The following CWC22 variants were observed in gnomAD, a reference collection of about 807,000 sequenced individuals.
CWC22 encodes the protein CWC22 spliceosome associated protein.
Under a neutral mutation model 117.2 loss-of-function variants are expected in CWC22, and 53 were observed. The observed-to-expected ratio is 0.45, with a 90% confidence interval of 0.36 to 0.57. The LOEUF (loss-of-function observed/expected upper bound fraction) is 0.57, where lower values mean the gene tolerates loss of function less well. Among genes scored for constraint, CWC22 ranks in the 20% least tolerant of loss-of-function variants. The pLI is 0.00. For synonymous variants in CWC22, 360 were observed against 355.6 expected (o/e 1.01, Z -0.14); for missense variants, 980 against 1,068.8 (o/e 0.92, Z 1.16).
At chr2:179,999,481 A>G (rs1312158145) in intron 1 of CWC22, among the ~76,000 whole-genome samples, 2 of 152,222 alleles carry the variant, frequency 1.3e-5, no homozygotes, top group African/African-American at 4.8e-5. Context: ...TTAGAAAGCA[A>G]AATATTTAAT....
intron 7 of CWC22, among the ~76,000 whole-genome samples, 160 bp from the exon 8 acceptor site, chr2:179,973,406 T>C (rs1007575945): frequency 1.3e-5 from 2 of 152,218 alleles, no homozygotes; most frequent in Non-Finnish European, 2.9e-5. Context: ...TGAAAGAGTA[T>C]CCCTTCTGGT....
intron 7 of CWC22, among the ~76,000 whole-genome samples, 193 bp from the exon 8 acceptor site, chr2:179,973,439 T>A (rs1003751229): frequency 1.3e-5 from 2 of 152,234 alleles, no homozygotes; most frequent in Non-Finnish European, 2.9e-5. Context: ...GTTCTACAGT[T>A]ATAGCCATCA....
At chr2:179,966,022 G>C in intron 11 of CWC22, 40 bp from the exon 12 acceptor site, 1 of 1,455,524 alleles carries the variant, frequency 6.9e-7, no homozygotes, top group Non-Finnish European at 9.5e-7. Flanking sequence ...AAATGTGCAA[G>C]TCATATACAT....
intron 13 of CWC22, among the ~76,000 whole-genome samples, chr2:179,960,318 A>C (rs1686719389): frequency 6.6e-6 from 1 of 152,050 alleles, no homozygotes. Flanking sequence ...TTTTAAAGAG[A>C]CATAGCTGTT....
intron 5 of CWC22, among the ~76,000 whole-genome samples, chr2:179,980,926 G>A (rs1419733537): frequency 3.3e-5 from 5 of 152,056 alleles, no homozygotes; most frequent in African/African-American, 4.8e-5. Flanking sequence ...CATCCTATTA[G>A]AGAAAAATAT....
rs1461970540 is a variant in CWC22, at chr2:179,994,953, G to A, written c.-113-1499C>T. Among the ~76,000 whole-genome samples, 12 of 151,994 alleles carry A rather than the reference G, an allele frequency of 7.9e-5. 1 individual carries two copies. Among genetic ancestry groups the A allele is most frequent in the Non-Finnish European group, 1.8e-4 (12 of 67,984 alleles). ...AACACAGTGAAACCCCGTCTCTACTGAAAAATTACAAAAAATTAGCCAGGC... is the reference window on the plus strand; with the variant it reads ...AACACAGTGAAACCCCGTCTCTACTAAAAAATTACAAAAAATTAGCCAGGC... On this transcript the variant is annotated intron_variant, in intron 1 of 19. Coordinates refer to ENST00000410053, the MANE Select transcript of CWC22 (RefSeq NM_020943.3).
chr2:179,965,015 T>C (rs2105521739), intron 12 of CWC22, among the ~76,000 whole-genome samples: 1 of 152,296 alleles, frequency 6.6e-6, no homozygotes, highest in East Asian at 1.9e-4. Flanking sequence ...CAGAGAACAC[T>C]AGATCATCAC....
chr2:179,989,807 TA>T (rs2105551189), intron 2 of CWC22, among the ~76,000 whole-genome samples: 1 of 152,270 alleles, frequency 6.6e-6, no homozygotes, highest in South Asian at 2.1e-4. Context: ...AGAATTAAAA[TA>T]ATTTTAATTA....
At chr2:179,970,462 A>G in intron 11 of CWC22, 39 bp downstream of exon 11, 2 of 1,461,796 alleles carry the variant, frequency 1.4e-6, no homozygotes, top group Non-Finnish European at 1.9e-6. Flanking sequence ...AATTGCTTCT[A>G]CTTATCCAAA....
chr2:180,000,984 A>G (rs1687832759), intron 1 of CWC22, among the ~76,000 whole-genome samples: 1 of 152,214 alleles, frequency 6.6e-6, no homozygotes, highest in Non-Finnish European at 1.5e-5. Flanking sequence ...AAGTGATCCA[A>G]TCATTTGGAA....
rs146898116 is a variant in CWC22, at chr2:179,947,849, T to C, written c.2141-2134A>G. 6.3e-4 allele frequency among the ~76,000 whole-genome samples: 96 copies of C among 152,340 alleles called. 1 individual carries two copies. In the East Asian group the frequency reaches 0.015, roughly 24 times the overall value. ...CAATTTAAGGCTACAGAGGAAAGTA[T>C]TGATGCCATATTTGATGAAATATTG... On this transcript the variant is annotated intron_variant, in intron 19 of 19. Coordinates refer to ENST00000410053, the MANE Select transcript of CWC22 (RefSeq NM_020943.3).
intron 13 of CWC22, among the ~76,000 whole-genome samples, chr2:179,963,733 T>C (rs1353810068): frequency 6.6e-6 from 1 of 152,208 alleles, no homozygotes; most frequent in Non-Finnish European, 1.5e-5. Context: ...TTCCTCTATT[T>C]GAAGATAAAC....
chr2:180,003,062 AT>A (rs1349226322), intron 1 of CWC22, among the ~76,000 whole-genome samples: 1 of 152,220 alleles, frequency 6.6e-6, no homozygotes, highest in African/African-American at 2.4e-5. Flanking sequence ...TTCTGCCTAC[AT>A]AGAACTTCCT....
At chr2:179,995,407 T>C (rs1419355369) in intron 1 of CWC22, among the ~76,000 whole-genome samples, 1 of 152,174 alleles carries the variant, frequency 6.6e-6, no homozygotes, top group East Asian at 1.9e-4. Context: ...GTTACCATCT[T>C]AATAAGCCTA....
chr2:179,945,762 T>C (rs1379152787), intron 19 of CWC22, 47 bp from the exon 20 acceptor site: 1 of 1,169,834 alleles, frequency 8.5e-7, no homozygotes, highest in South Asian at 1.5e-5. Flanking sequence ...TCAATCTTAA[T>C]TTCATAATTA....
intron 8 of CWC22, among the ~76,000 whole-genome samples, chr2:179,972,389 G>C (rs889553840): frequency 1.3e-5 from 2 of 151,966 alleles, no homozygotes; most frequent in Non-Finnish European, 2.9e-5. Flanking sequence ...AACACAAACT[G>C]AATAACAGCA....
At chr2:179,947,765 T>C (rs527457490) in intron 19 of CWC22, among the ~76,000 whole-genome samples, 17 of 152,282 alleles carry the variant, frequency 1.1e-4, no homozygotes, top group African/African-American at 3.6e-4. Context: ...TGTCACACAG[T>C]ATGTAAAACA....
chr2:179,990,901 G>C (rs1443618158), intron 2 of CWC22, among the ~76,000 whole-genome samples: 1 of 152,170 alleles, frequency 6.6e-6, no homozygotes, highest in Non-Finnish European at 1.5e-5. Flanking sequence ...GGATGAAAGT[G>C]GGAAAACGGG....
chr2:179,976,193 AC>A (rs766797620), intron 6 of CWC22, among the ~76,000 whole-genome samples: 1 of 152,224 alleles, frequency 6.6e-6, no homozygotes, highest in Non-Finnish European at 1.5e-5. Context: ...AAAACAGAAT[AC>A]CCAGATGCAG....
Sources: gnomAD v4.1 joint callset for allele counts (sites outside exome capture counted in the v4.1 genomes callset) on GRCh38, gnomAD v4.1.1 for gene constraint, MANE v1.5 for transcripts, NCBI Gene and HGNC (gene_info 2026-07-23, HGNC 2026-07-21) for gene names.